Variants in CPD observed in about 807,000 individuals in gnomAD.
The protein encoded by CPD is metallocarboxypeptidase D.
Under a neutral mutation model 138.3 loss-of-function variants are expected in CPD, and 69 were observed. The ratio of observed to expected loss-of-function variants is 0.50; its 90% confidence interval spans 0.41 to 0.61. CPD has a LOEUF of 0.61. Ranked by LOEUF, CPD falls within the 20% of genes least tolerant of loss-of-function variation. CPD has a pLI of 0.00. For missense variants in CPD, 1,432 were observed against 1,733.3 expected (o/e 0.83, Z 3.09); for synonymous variants, 651 against 642.1 (o/e 1.01, Z -0.21).
At position 30,392,621 on chromosome 17, in the gene CPD, A is replaced by G. The variant is rs1007391328; in HGVS notation, c.994+7385A>G. Reference sequence around the variant, plus strand: ...TCTGAACCCACTAATATATCTCACAACCCACTAATGCATGATGACCTTCAG... The same window carrying G: ...TCTGAACCCACTAATATATCTCACAGCCCACTAATGCATGATGACCTTCAG... On this transcript the variant is annotated intron_variant, in intron 2 of 20. Transcript: ENST00000225719. Among the ~76,000 whole-genome samples, 36 of 152,304 alleles carry G rather than the reference A, an allele frequency of 2.4e-4. 1 individual carries two copies. Among genetic ancestry groups the G allele is most frequent in the African/African-American group, 7.9e-4 (33 of 41,560 alleles).
chr17:30,429,031 G>A (rs969788401), intron 7 of CPD, among the ~76,000 whole-genome samples: 4 of 152,108 alleles, frequency 2.6e-5, no homozygotes, highest in African/African-American at 9.7e-5. Flanking sequence ...ACATACTGAT[G>A]GATATTTAGA....
chr17:30,386,533 A>C (rs1311487185), intron 2 of CPD, among the ~76,000 whole-genome samples: 1 of 152,030 alleles, frequency 6.6e-6, no homozygotes, highest in Non-Finnish European at 1.5e-5. Flanking sequence ...TGCAACCATC[A>C]CCACTATTTC....
At chr17:30,403,187 GT>G (rs1210281116) in intron 2 of CPD, among the ~76,000 whole-genome samples, 1 of 152,210 alleles carries the variant, frequency 6.6e-6, no homozygotes, top group Admixed American at 6.5e-5. Context: ...TCAGCTGCAA[GT>G]TTTGACTCGC....
chr17:30,398,467 A>G (rs967638758), intron 2 of CPD, among the ~76,000 whole-genome samples: 6 of 152,226 alleles, frequency 3.9e-5, no homozygotes, highest in South Asian at 2.1e-4. Context: ...GCCAAATGAC[A>G]TATCAACTTA....
At chr17:30,411,090 A>G (rs1911956157) in intron 2 of CPD, among the ~76,000 whole-genome samples, 1 of 152,094 alleles carries the variant, frequency 6.6e-6, no homozygotes, top group Non-Finnish European at 1.5e-5. Context: ...TTGTCTGTAA[A>G]GGATTTGATT....
chr17:30,399,408 G>A (rs527251587), intron 2 of CPD, among the ~76,000 whole-genome samples: 8 of 152,102 alleles, frequency 5.3e-5, no homozygotes, highest in Non-Finnish European at 1.2e-4. Context: ...AGAGAAGAAT[G>A]TTGAAATGTG....
rs1445727270 is a variant in CPD, at chr17:30,423,690, C to T, written c.1842C>T (p.Ser614=). The T allele has an allele frequency of 6.4e-7, 1 of 1,566,060 alleles. No homozygotes were observed. Residue 614 remains serine, a synonymous_variant, in exon 6 of 21, where the codon TCC becomes TCT. Transcript: ENST00000225719. The part of the protein sequence containing the change: ...PSMNPDGYEK[S]QEGDSISVIG... ...TGAATCCTGATGGGTATGAAAAGTC[C>T]CAGGAAGGTAAAGAATAGCATTTAA...
Position 30,458,511 on chromosome 17 carries a change from G to A in CPD, c.3498+1985G>A, listed in dbSNP as rs114709400. 2.5e-3 allele frequency among the ~76,000 whole-genome samples: 387 copies of A among 151,990 alleles called. 2 individuals carry two copies. Among genetic ancestry groups the A allele is most frequent in the African/African-American group, 8.9e-3 (367 of 41,396 alleles). ...CAAATGTGGGATGAGTGGGAGGGGCGGGGTACATGGCCCCCCTGCCCACCT... is the reference window on the plus strand; with the variant it reads ...CAAATGTGGGATGAGTGGGAGGGGCAGGGTACATGGCCCCCCTGCCCACCT... On this transcript the variant is annotated intron_variant, in intron 17 of 20. Coordinates refer to ENST00000225719, the MANE Select transcript of CPD (RefSeq NM_001304.5).
chr17:30,411,590 C>T (rs1350167472), intron 2 of CPD, among the ~76,000 whole-genome samples: 2 of 151,998 alleles, frequency 1.3e-5, no homozygotes, highest in Non-Finnish European at 1.5e-5. Context: ...CTTGTCTTCT[C>T]GTTTTATTTC....
chr17:30,423,812 T>C (rs917476049), intron 6 of CPD, 115 bp downstream of exon 6: 68 of 765,724 alleles, frequency 8.9e-5, no homozygotes, highest in Non-Finnish European at 1.2e-4. Context: ...TTTTTCCTTT[T>C]AATTTATGAT....
chr17:30,398,656 G>T lies in CPD; in HGVS notation c.994+13420G>T, dbSNP rs72809806. 1.5e-3 allele frequency among the ~76,000 whole-genome samples: 221 copies of T among 151,980 alleles called. 1 individual carries two copies. The highest frequency in any genetic ancestry group is 2.8e-3 in the Non-Finnish European group (188 of 67,950). On this transcript the variant is annotated intron_variant, in intron 2 of 20. Coordinates refer to ENST00000225719, the MANE Select transcript of CPD (RefSeq NM_001304.5). The stretch of plus-strand genomic sequence containing the variant: ...AAACCTGAACCAGCTACTTAGTTAG[G>T]ATTACTTATTATACAGTCTTTGACA...
At chr17:30,438,918 T>A (rs1474705740) in intron 8 of CPD, 57 bp from the exon 9 acceptor site, 2 of 809,698 alleles carry the variant, frequency 2.5e-6, no homozygotes, top group East Asian at 3.4e-5. Context: ...CTTTCCAGTA[T>A]TTTTTTTTGA....
At chr17:30,423,443 A>C in intron 5 of CPD, 63 bp from the exon 6 acceptor site, 1 of 1,273,136 alleles carries the variant, frequency 7.9e-7, no homozygotes, top group Non-Finnish European at 1.1e-6. Context: ...GTTGCGGAAA[A>C]AAACTGAGTC....
intron 14 of CPD, among the ~76,000 whole-genome samples, chr17:30,453,247 TA>T (rs1394348045): frequency 6.6e-6 from 1 of 152,166 alleles, no homozygotes; most frequent in Non-Finnish European, 1.5e-5. Context: ...TCTGAGGCTG[TA>T]AAATCAAAAG....
At chr17:30,380,275 A>G in intron 1 of CPD, 1 of 183,876 alleles carries the variant, frequency 5.4e-6, no homozygotes. Flanking sequence ...CTGATTCCCG[A>G]TAGTCCTCTT....
chr17:30,421,801 T>G lies in CPD; in HGVS notation c.1275T>G (p.Pro425=). 1.9e-6 allele frequency: 3 copies of G among 1,613,672 alleles called. No individual in the cohort carries two copies. The Admixed American group carries it at 5.0e-5, about 27-fold the overall frequency. The change falls in exon 4 of 21, where the codon CCT becomes CCG. Residue 425 remains proline (P), a synonymous_variant. Transcript: ENST00000225719. ...RFGDFYRLLV[P]GTYNLTVVLT... Reference sequence around the variant, plus strand: ...GTGATTTCTACCGATTACTTGTTCCTGGAACTTACAACCTTACAGTAGTTT... The same window carrying G: ...GTGATTTCTACCGATTACTTGTTCCGGGAACTTACAACCTTACAGTAGTTT...
intron 1 of CPD, among the ~76,000 whole-genome samples, chr17:30,382,272 G>GT (rs1446426287): frequency 1.3e-5 from 2 of 152,034 alleles, no homozygotes; most frequent in African/African-American, 4.8e-5. Context: ...CCTGGATAGC[G>GT]TAATAGAGTT....
chr17:30,406,721 A>T (rs1597713832), intron 2 of CPD, among the ~76,000 whole-genome samples: 1 of 152,204 alleles, frequency 6.6e-6, no homozygotes, highest in African/African-American at 2.4e-5. Flanking sequence ...TGAGTTGGCC[A>T]TGTTTGCAAA....
At chr17:30,385,470 CTT>C (rs1016724665) in intron 2 of CPD, among the ~76,000 whole-genome samples, 13 of 148,546 alleles carry the variant, frequency 8.8e-5, no homozygotes, top group African/African-American at 3.0e-4. Flanking sequence ...CTCCCTCTCT[CTT>C]TTTCACTCTC....
Sources: gnomAD v4.1 joint callset for allele counts (sites outside exome capture counted in the v4.1 genomes callset) on GRCh38, gnomAD v4.1.1 for gene constraint, MANE v1.5 for transcripts, NCBI Gene and HGNC (gene_info 2026-07-23, HGNC 2026-07-21) for gene names.